TOX2: variants seen among roughly 807,000 people sequenced by gnomAD.
TOX2 encodes the protein granulosa cell HMG box 1.
In TOX2, 15 loss-of-function variants were observed where a neutral mutation model predicts 47.4. The observed-to-expected ratio is 0.32, with a 90% CI of 0.21 to 0.49. The LOEUF (loss-of-function observed/expected upper bound fraction) is 0.49, where lower values mean the gene tolerates loss of function less well. Ranked by LOEUF, TOX2 falls within the 20% of genes least tolerant of loss-of-function variation. The probability of loss-of-function intolerance (pLI) is 0.99; values close to 1 mark genes in which losing one functional copy is unlikely to be tolerated. For synonymous variants in TOX2, 290 were observed against 296.6 expected, an observed-to-expected ratio of 0.98 and a Z score of 0.23; for missense variants, 622 against 673.1, an observed-to-expected ratio of 0.92 and a Z score of 0.84.
At chr20:43,956,224 G>C (rs958671890) in intron 1 of TOX2, among the ~76,000 whole-genome samples, 1 of 152,102 alleles carries the variant, frequency 6.6e-6, no homozygotes, top group Non-Finnish European at 1.5e-5. Context: ...TCTGATTCCT[G>C]GTCCTGTCCC....
At chr20:44,058,979 C>A (rs1005127433) in intron 5 of TOX2, among the ~76,000 whole-genome samples, 4 of 152,264 alleles carry the variant, frequency 2.6e-5, no homozygotes, top group African/African-American at 9.6e-5. Flanking sequence ...TTATTTAACA[C>A]CCCCAAAAGA....
chr20:44,048,389 TA>T (rs1371720326), intron 3 of TOX2, among the ~76,000 whole-genome samples: 496 of 28,360 alleles, frequency 0.017, 21 homozygotes, highest in African/African-American at 0.059. Context: ...AAAATGAATT[TA>T]TATATATATA....
rs1429872257 is a variant in TOX2 at position 43,915,166 on chromosome 20, G to A, written c.99+176G>A. Among the ~76,000 whole-genome samples, 1 of 152,102 alleles carries A rather than the reference G, an allele frequency of 6.6e-6. No individual in the cohort carries two copies. The highest frequency in any genetic ancestry group is 1.5e-5 in the Non-Finnish European group (1 of 67,994). On this transcript the variant is annotated intron_variant, in intron 1 of 8. Transcript: ENST00000341197. The surrounding 1 kb of genome is among the most constrained non-coding windows in gnomAD (Gnocchi z 7.1). ...TCACGCCCTGAGTTGTTGGGATCGCGGGCAGAAGTCATCCCGACAGCCACC... is the reference window on the plus strand; with the variant it reads ...TCACGCCCTGAGTTGTTGGGATCGCAGGCAGAAGTCATCCCGACAGCCACC...
At chr20:44,007,235 TAAAG>T (rs2070701303) in intron 3 of TOX2, 1 of 175,884 alleles carries the variant, frequency 5.7e-6, no homozygotes, top group South Asian at 1.3e-4. Flanking sequence ...CATCACCCCA[TAAAG>T]AAACACTAGC....
chr20:44,035,850 G>A (rs548155524), intron 3 of TOX2, among the ~76,000 whole-genome samples: 18 of 152,332 alleles, frequency 1.2e-4, no homozygotes, highest in Non-Finnish European at 2.1e-4. Context: ...TCTCAGGAAC[G>A]TCACCCATGA....
intron 3 of TOX2, among the ~76,000 whole-genome samples, chr20:44,045,049 C>T (rs1245992079): frequency 3.9e-5 from 6 of 152,046 alleles, no homozygotes; most frequent in Non-Finnish European, 7.4e-5. Context: ...GTTTGAGGTA[C>T]CTGGAGTAGT....
chr20:44,049,362 AAACCTT>A (rs1489623989), intron 3 of TOX2, among the ~76,000 whole-genome samples: 1 of 152,258 alleles, frequency 6.6e-6, no homozygotes, highest in Non-Finnish European at 1.5e-5. Context: ...GTCTCAAAGA[AAACCTT>A]AACAAAATCT....
rs1309389561 is a variant in TOX2 at position 43,928,984 on chromosome 20, A to AAAAAAAAAAC, written c.99+14003_99+14004insCAAAAAAAAA. ...ACCCTGTCTCTACTAAAAATATGAAAAAAAAAAAAAAAAAACAACAACAAA... is the reference window on the plus strand; with the variant it reads ...ACCCTGTCTCTACTAAAAATATGAAAAAAAAAAAACAAAAAAAAAAAAAAACAACAACAAA... On this transcript the variant is annotated intron_variant, in intron 1 of 8. Transcript: ENST00000341197. Among the ~76,000 whole-genome samples the AAAAAAAAAAC allele has an allele frequency of 1.9e-4, 29 of 149,618 alleles. No homozygotes were observed. The Middle Eastern group carries it at 0.014, about 71-fold the overall frequency.
At chr20:44,029,800 C>T (rs751412454) in intron 3 of TOX2, among the ~76,000 whole-genome samples, 1 of 152,146 alleles carries the variant, frequency 6.6e-6, no homozygotes, top group Non-Finnish European at 1.5e-5. Context: ...TTGACTCTGG[C>T]TGTCTATATT....
chr20:44,040,790 G>C (rs1264748937), intron 3 of TOX2, among the ~76,000 whole-genome samples: 1 of 152,198 alleles, frequency 6.6e-6, no homozygotes, highest in East Asian at 1.9e-4. Context: ...TCGCTGGTGG[G>C]GGGAGTGGCC....
chr20:43,923,280 A>G (rs6031237), intron 1 of TOX2, among the ~76,000 whole-genome samples: 97,609 of 152,070 alleles, frequency 0.64, 33,769 homozygotes, highest in East Asian at 0.81. Flanking sequence ...AATGCATCAC[A>G]TTGCTGGATT....
At chr20:44,027,481 G>A (rs1447829344) in intron 3 of TOX2, among the ~76,000 whole-genome samples, 1 of 152,236 alleles carries the variant, frequency 6.6e-6, no homozygotes, top group Non-Finnish European at 1.5e-5. Flanking sequence ...GCCATAGCCT[G>A]TGCAGCTGCA....
intron 2 of TOX2, among the ~76,000 whole-genome samples, chr20:43,991,828 C>T (rs533909887): frequency 6.6e-6 from 1 of 152,066 alleles, no homozygotes; most frequent in East Asian, 1.9e-4. Flanking sequence ...ATTTTTAGTA[C>T]AGATGGGGTT....
chr20:44,064,562 C>A (rs973402300), intron 5 of TOX2, among the ~76,000 whole-genome samples: 4 of 152,200 alleles, frequency 2.6e-5, no homozygotes, highest in Non-Finnish European at 4.4e-5. Context: ...CAAGGCCACA[C>A]AGTGACTTGG....
chr20:44,055,034 C>A (rs1000327377), intron 5 of TOX2, among the ~76,000 whole-genome samples: 1 of 152,184 alleles, frequency 6.6e-6, no homozygotes, highest in African/African-American at 2.4e-5. Context: ...GCTGGCTACT[C>A]CTTCTCTGAG....
chr20:44,046,299 A>G (rs769441973), intron 3 of TOX2, among the ~76,000 whole-genome samples: 33 of 152,232 alleles, frequency 2.2e-4, no homozygotes, highest in Non-Finnish European at 3.8e-4. Context: ...TACAGGATAA[A>G]TAACTTCACG....
chr20:43,943,716 C>G (rs2069430577), intron 1 of TOX2, among the ~76,000 whole-genome samples: 1 of 152,188 alleles, frequency 6.6e-6, no homozygotes, highest in Non-Finnish European at 1.5e-5. Flanking sequence ...TTTGTGTTTT[C>G]TCTCTGACAA....
intron 5 of TOX2, among the ~76,000 whole-genome samples, chr20:44,063,691 C>T (rs747141820): frequency 6.6e-6 from 1 of 151,980 alleles, no homozygotes; most frequent in Admixed American, 6.6e-5. Context: ...AAATATGGAA[C>T]CAGCCCAAAT....
At chr20:43,956,406 C>T (rs2069669217) in intron 1 of TOX2, among the ~76,000 whole-genome samples, 1 of 151,976 alleles carries the variant, frequency 6.6e-6, no homozygotes, top group South Asian at 2.1e-4. Context: ...ACTAAAGATA[C>T]AAAAATTAGT....
Sources: gnomAD v4.1 joint callset for allele counts (sites outside exome capture counted in the v4.1 genomes callset) on GRCh38, gnomAD v4.1.1 for gene constraint, Gnocchi (gnomAD v3.1) non-coding constraint, MANE v1.5 for transcripts, NCBI Gene and HGNC (gene_info 2026-07-23, HGNC 2026-07-21) for gene names.